The following MAST2 variants were observed in gnomAD, a reference collection of about 807,000 sequenced individuals.
MAST2 encodes microtubule-associated serine/threonine-protein kinase 2.
A neutral mutation model predicts 147.4 loss-of-function variants in MAST2; 70 were observed. The observed-to-expected ratio is 0.47, with a 90% CI of 0.39 to 0.58. The LOEUF (loss-of-function observed/expected upper bound fraction) is 0.58, where lower values mean the gene tolerates loss of function less well. MAST2 is among the 20% of genes least tolerant of loss of function. MAST2 has a pLI of 0.00. For missense variants in MAST2, 2,080 were observed against 2,302.3 expected (o/e 0.90, Z 1.98); for synonymous variants, 869 against 896.8 (o/e 0.97, Z 0.55).
At chr1:45,898,634 G>A (rs1390916473) in intron 4 of MAST2, among the ~76,000 whole-genome samples, 1 of 152,092 alleles carries the variant, frequency 6.6e-6, no homozygotes, top group Non-Finnish European at 1.5e-5. Flanking sequence ...CAGGGCTACC[G>A]GCATCAGTCT....
chr1:45,812,526 C>T (rs1339056100), intron 1 of MAST2, among the ~76,000 whole-genome samples: 1 of 150,524 alleles, frequency 6.6e-6, no homozygotes, highest in Admixed American at 6.7e-5. Context: ...CTCCCAGGTT[C>T]AAGTGATTCT....
intron 1 of MAST2, among the ~76,000 whole-genome samples, chr1:45,814,559 G>A (rs561930774): frequency 1.3e-5 from 2 of 152,258 alleles, no homozygotes; most frequent in East Asian, 1.9e-4. Context: ...CACCAAGGCG[G>A]GTGTATCACC....
rs779007034 is a variant in MAST2 at position 46,010,777 on chromosome 1, C to A, written c.1026C>A (p.Asn342Lys). 9.3e-6 allele frequency: 15 copies of A among 1,614,022 alleles called. No homozygotes were observed. The highest frequency in any genetic ancestry group is 1.3e-5 in the Non-Finnish European group (15 of 1,180,032). The change falls in exon 10 of 29, where the codon AAC becomes AAA. Residue 342 changes from asparagine (N) to lysine (K), a missense_variant. Asn to Lys is a moderately conservative substitution (Grantham distance 94). Coordinates refer to ENST00000361297, the MANE Select transcript of MAST2 (RefSeq NM_015112.3). ...EERLAEFISS[N>K]TPDSVLPLAD... is the part of the protein sequence containing the mutation. ...GACTAGCAGAGTTTATTTCCTCCAA[C>A]ACTCCAGACAGCGTGCTGCCCTTGG...
At chr1:45,885,943 G>A (rs895767205) in intron 4 of MAST2, among the ~76,000 whole-genome samples, 1 of 152,052 alleles carries the variant, frequency 6.6e-6, no homozygotes, top group African/African-American at 2.4e-5. Context: ...TTCTGTGGGG[G>A]TGAGGGTTTA....
intron 2 of MAST2, 55 bp downstream of exon 2, chr1:45,824,635 A>T: frequency 6.7e-7 from 1 of 1,486,100 alleles, no homozygotes; most frequent in Non-Finnish European, 9.0e-7. Context: ...GTCAATATTT[A>T]AGTGTATATT....
chr1:45,845,296 C>T (rs1645396241), intron 3 of MAST2, among the ~76,000 whole-genome samples: 1 of 152,012 alleles, frequency 6.6e-6, no homozygotes, highest in African/African-American at 2.4e-5. Context: ...TACTCTTATA[C>T]AAAAAATATC....
chr1:45,954,112 A>T (rs1226130778), intron 4 of MAST2, among the ~76,000 whole-genome samples: 3 of 152,146 alleles, frequency 2.0e-5, no homozygotes, highest in Admixed American at 6.5e-5. Flanking sequence ...GCCAAGTACT[A>T]TCCAGTCACG....
At chr1:45,930,825 C>T (rs1655172225) in intron 4 of MAST2, among the ~76,000 whole-genome samples, 1 of 152,128 alleles carries the variant, frequency 6.6e-6, no homozygotes, top group South Asian at 2.1e-4. Flanking sequence ...ATGAAGTTTA[C>T]ATTTTTTAAG....
chr1:45,849,008 A>G (rs1253990633), intron 3 of MAST2, among the ~76,000 whole-genome samples: 1 of 152,212 alleles, frequency 6.6e-6, no homozygotes, highest in Non-Finnish European at 1.5e-5. Context: ...TACAATACCT[A>G]GGAATACTGC....
At chr1:45,912,129 G>A (rs1307441322) in intron 4 of MAST2, among the ~76,000 whole-genome samples, 2 of 151,892 alleles carry the variant, frequency 1.3e-5, no homozygotes, top group East Asian at 3.8e-4. Flanking sequence ...CTACTGAACT[G>A]GGGATTCTGA....
rs1646842872 is a variant in MAST2, at chr1:46,035,001, G to A, written c.4332G>A (p.Arg1444=). 4.3e-6 allele frequency: 7 copies of A among 1,614,082 alleles called. No individual in the cohort carries two copies. The East Asian group carries it at 1.6e-4, about 36-fold the overall frequency. Residue 1444 remains arginine, a synonymous_variant, in exon 29 of 29, where the codon AGG becomes AGA. Coordinates refer to ENST00000361297, the MANE Select transcript of MAST2 (RefSeq NM_015112.3). This position sits in a 1 kb window ranked among gnomAD's most constrained non-coding sequence, Gnocchi z 5.5. ...HSELKKELPP[R]EVSPLEVVGA... ...AACTAAAGAAGGAACTGCCGCCCAG[G>A]GAAGTGAGCCCTCTGGAGGTAGTTG...
chr1:45,905,340 G>C (rs889484722), intron 4 of MAST2, among the ~76,000 whole-genome samples: 1 of 151,714 alleles, frequency 6.6e-6, no homozygotes, highest in Non-Finnish European at 1.5e-5. Flanking sequence ...ATGCGCCACC[G>C]CATCTGGCTA....
chr1:45,963,953 T>C (rs1660801896), intron 5 of MAST2, among the ~76,000 whole-genome samples: 1 of 152,254 alleles, frequency 6.6e-6, no homozygotes, highest in Non-Finnish European at 1.5e-5. Flanking sequence ...CGAAGGCCTT[T>C]TCTGCATCTA....
At chr1:45,917,629 T>A in intron 4 of MAST2, 2 of 896,944 alleles carry the variant, frequency 2.2e-6, no homozygotes, top group South Asian at 1.5e-5. Context: ...AGAAATGGAG[T>A]AAGAGTCTTG....
chr1:45,951,333 A>G (rs1383282479), intron 4 of MAST2, among the ~76,000 whole-genome samples: 1 of 152,218 alleles, frequency 6.6e-6, no homozygotes, highest in African/African-American at 2.4e-5. Context: ...CTGTAATCCC[A>G]GCAGTTTGGG....
intron 3 of MAST2, among the ~76,000 whole-genome samples, chr1:45,872,705 T>A (rs1646446182): frequency 6.6e-6 from 1 of 152,016 alleles, no homozygotes; most frequent in Admixed American, 6.6e-5. Context: ...GGTCTCAAAC[T>A]CCCGACCTCA....
Position 46,035,678 on chromosome 1 carries a change from C to G in MAST2, c.5009C>G (p.Pro1670Arg). ...SLIEGPDRAS[P>R]SRKATMAGGL... is the part of the protein sequence containing the mutation. ...ATTGAGGGCCCAGACAGGGCATCCC[C>G]AAGCAGAAAGGCAACCATGGCAGGT... Residue 1670 changes from proline to arginine, a missense_variant, in exon 29 of 29, where the codon CCA (proline) becomes CGA (arginine). Pro to Arg is a moderately radical substitution (Grantham distance 103). Transcript: ENST00000361297. The surrounding 1 kb of genome is among the most constrained non-coding windows in gnomAD (Gnocchi z 5.5). 4 of 1,613,908 alleles carry G rather than the reference C, an allele frequency of 2.5e-6. No homozygotes were observed. The highest frequency in any genetic ancestry group is 3.4e-6 in the Non-Finnish European group (4 of 1,180,006).
At chr1:46,019,314 T>G (rs766319887) in intron 10 of MAST2, among the ~76,000 whole-genome samples, 115 of 152,208 alleles carry the variant, frequency 7.6e-4, no homozygotes, top group Non-Finnish European at 1.3e-3. Flanking sequence ...CCCCTTGAGC[T>G]AGGGTCTGGA....
chr1:45,917,316 T>C (rs907408206), intron 4 of MAST2: 1 of 1,345,820 alleles, frequency 7.4e-7, no homozygotes, highest in Admixed American at 2.0e-5. Context: ...CCTTGTTTTT[T>C]TCCTATTGTG....
Sources: allele counts gnomAD v4.1 joint callset (sites outside exome capture counted in the v4.1 genomes callset), GRCh38; gene constraint gnomAD v4.1.1; non-coding constraint Gnocchi (gnomAD v3.1); transcripts MANE v1.5; gene names NCBI Gene and HGNC (gene_info 2026-07-23, HGNC 2026-07-21).